Variants in BPIFB4 observed in about 807,000 individuals in gnomAD.
BPIFB4 encodes the protein BPI fold containing family B member 4.
BPIFB4 carries 62 observed loss-of-function variants against 69.2 expected under a neutral mutation model. The ratio of observed to expected loss-of-function variants is 0.90; its 90% CI spans 0.73 to 1.11. The LOEUF (loss-of-function observed/expected upper bound fraction) is 1.11, where lower values mean the gene tolerates loss of function less well. BPIFB4 is among the 50% of genes least tolerant of loss of function. The pLI, the probability that BPIFB4 is intolerant of heterozygous loss-of-function variation, is 0.00. For synonymous variants in BPIFB4, 330 were observed against 332.7 expected (o/e 0.99, Z 0.09); for missense variants, 789 against 792.0 (o/e 1.00, Z 0.04).
rs144580332 is a variant in BPIFB4 at position 33,083,375 on chromosome 20, G to A, written c.178G>A (p.Asp60Asn). The A allele has an allele frequency of 1.6e-4, 253 of 1,612,896 alleles. No individual in the cohort carries two copies. The highest frequency in any genetic ancestry group is 1.9e-4 in the Non-Finnish European group (225 of 1,179,338). Reference sequence around the variant, plus strand: ...CATTGAATTCCCCCGAGGTGTTGGTGATATTCCCTACAATGACTTCCATGT... The same window carrying A: ...CATTGAATTCCCCCGAGGTGTTGGTAATATTCCCTACAATGACTTCCATGT... ...ALREVPLGVG[D>N]IPYNDFHVRG... Residue 60 changes from aspartate to asparagine, a missense_variant, in exon 5 of 18, where the codon GAT becomes AAT. By Grantham distance (23) the Asp-to-Asn change is conservative (BLOSUM62 1). Coordinates refer to ENST00000375483, the MANE Select transcript of BPIFB4 (RefSeq NM_182519.3).
intron 17 of BPIFB4, 121 bp from the exon 18 acceptor site, chr20:33,111,293 C>T: frequency 7.5e-7 from 1 of 1,326,682 alleles, no homozygotes; most frequent in Non-Finnish European, 1.1e-6. Flanking sequence ...CCCTTTATCT[C>T]CGCTGTTCAG....
chr20:33,102,600 T>C (rs1981936460), intron 14 of BPIFB4, among the ~76,000 whole-genome samples: 1 of 152,228 alleles, frequency 6.6e-6, no homozygotes, highest in African/African-American at 2.4e-5. Context: ...TGGTGATCAC[T>C]CATGCACCTA....
At chr20:33,106,735 C>A (rs908121144) in intron 16 of BPIFB4, among the ~76,000 whole-genome samples, 1 of 152,088 alleles carries the variant, frequency 6.6e-6, no homozygotes, top group Non-Finnish European at 1.5e-5. Flanking sequence ...TAGAGCAGTT[C>A]GGAGGTGGGA....
In BPIFB4 at chr20:33,104,863, C is replaced by G; in HGVS notation, c.1734C>G (p.Pro578=). The G allele has an allele frequency of 6.2e-7, 1 of 1,614,016 alleles. No individual in the cohort carries two copies. Among genetic ancestry groups the G allele is most frequent in the Non-Finnish European group, 8.5e-7 (1 of 1,179,954 alleles). ...VEKIFDLAFM[P]AMNAVLGSGV... is the part of the protein sequence containing the mutation. ...AGATTTTTGACCTGGCATTCATGCCCGCAATGAACGGTGAGAGCGGGTGCC... is the reference window on the plus strand; with the variant it reads ...AGATTTTTGACCTGGCATTCATGCCGGCAATGAACGGTGAGAGCGGGTGCC... Residue 578 remains proline (P), a synonymous_variant, in exon 16 of 18, where the codon CCC becomes CCG. Coordinates refer to ENST00000375483, the MANE Select transcript of BPIFB4 (RefSeq NM_182519.3).
chr20:33,097,462 C>A (rs1419771273), intron 12 of BPIFB4, among the ~76,000 whole-genome samples, 155 bp from the exon 13 acceptor site: 1 of 152,134 alleles, frequency 6.6e-6, no homozygotes, highest in Non-Finnish European at 1.5e-5. Flanking sequence ...CAGCTCCTTG[C>A]CCAGTTCTCA....
chr20:33,098,738 C>T (rs2146412257), intron 13 of BPIFB4, among the ~76,000 whole-genome samples: 1 of 132,570 alleles, frequency 7.5e-6, no homozygotes, highest in African/African-American at 3.0e-5. Flanking sequence ...GAGCAAGACT[C>T]CATCTCAAAA....
At chr20:33,094,653 T>C (rs183401946) in intron 11 of BPIFB4, among the ~76,000 whole-genome samples, 45 of 152,232 alleles carry the variant, frequency 3.0e-4, no homozygotes, top group African/African-American at 9.9e-4. Flanking sequence ...ATTACAGGCA[T>C]GTGCCATCAT....
intron 17 of BPIFB4, among the ~76,000 whole-genome samples, chr20:33,108,449 A>ATATATATATATAGATAT (rs1323233475): frequency 6.7e-6 from 1 of 149,376 alleles, no homozygotes; most frequent in Non-Finnish European, 1.5e-5. Flanking sequence ...ACATATATAC[A>ATATATATATATAGATAT]ATCCAGCAAT....
At chr20:33,095,293 C>G (rs985232513) in intron 12 of BPIFB4, 140 bp downstream of exon 12, 7 of 912,724 alleles carry the variant, frequency 7.7e-6, no homozygotes, top group Non-Finnish European at 1.1e-5. Context: ...GTGACAGTGA[C>G]AAGGGCTTGC....
At chr20:33,092,936 G>A (rs1397872781) in intron 11 of BPIFB4, among the ~76,000 whole-genome samples, 3 of 152,170 alleles carry the variant, frequency 2.0e-5, no homozygotes, top group Non-Finnish European at 4.4e-5. Context: ...TTTTTTAAAA[G>A]CATAACATAT....
chr20:33,088,616 A>G (rs1981505165), intron 7 of BPIFB4, among the ~76,000 whole-genome samples: 1 of 152,210 alleles, frequency 6.6e-6, no homozygotes, highest in Non-Finnish European at 1.5e-5. Context: ...AACACAACAT[A>G]AGGCTGCAGC....
intron 7 of BPIFB4, among the ~76,000 whole-genome samples, 174 bp downstream of exon 7, chr20:33,086,338 T>G (rs1981429467): frequency 6.6e-6 from 1 of 152,224 alleles, no homozygotes. Context: ...GTCCCTGACC[T>G]GGCACATGCC....
intron 6 of BPIFB4, 101 bp from the exon 7 acceptor site, chr20:33,085,920 C>A: frequency 1.4e-6 from 2 of 1,396,240 alleles, no homozygotes; most frequent in Non-Finnish European, 2.0e-6. Context: ...GAGCAAGGAG[C>A]GTAGCAGATG....
At chr20:33,086,229 C>T in intron 7 of BPIFB4, 65 bp downstream of exon 7, 1 of 1,557,120 alleles carries the variant, frequency 6.4e-7, no homozygotes, top group South Asian at 1.1e-5. Flanking sequence ...TGGCAAACAA[C>T]ATGACGTCAC....
At chr20:33,107,213 T>C (rs115185144) in intron 16 of BPIFB4, among the ~76,000 whole-genome samples, 1 of 46,180 alleles carries the variant, frequency 2.2e-5, no homozygotes, top group Non-Finnish European at 5.1e-5. Context: ...AAAAAAAAAA[T>C]GAAAGAAAGA....
intron 5 of BPIFB4, 122 bp downstream of exon 5, chr20:33,083,996 G>C: frequency 8.2e-7 from 1 of 1,223,942 alleles, no homozygotes; most frequent in Non-Finnish European, 1.1e-6. Flanking sequence ...TCAGGGTTTG[G>C]CCTCAGGATT....
rs1262212533 is a variant in BPIFB4 at position 33,082,999 on chromosome 20, G to T, written c.168G>T (p.Leu56Phe). 2 of 1,611,578 alleles carry T rather than the reference G, an allele frequency of 1.2e-6. No individual in the cohort carries two copies. The highest frequency in any genetic ancestry group is 2.2e-5 in the East Asian group (1 of 44,808). Residue 56 changes from leucine to phenylalanine, a missense_variant and splice_region_variant, in exon 4 of 18, where the codon TTG (leucine) becomes TTT (phenylalanine). Leu to Phe is a conservative substitution (Grantham distance 22). Around this residue, in one of 3 missense-constraint regions of BPIFB4, gnomAD observed 611 missense variants for 575.4 expected, o/e 1.06. Transcript: ENST00000375483. ...ACTCGGCCCTGAGAGAGGTGCCCTT[G>T]GGTAAAGCCCGTGGTGATGGTGGTG... ...ALHSALREVP[L>F]GVGDIPYNDF...
intron 13 of BPIFB4, among the ~76,000 whole-genome samples, chr20:33,098,649 G>A (rs1207256094): frequency 6.6e-6 from 1 of 151,394 alleles, no homozygotes; most frequent in Non-Finnish European, 1.5e-5. Flanking sequence ...GGAGGCTGAG[G>A]CACGAGAATC....
chr20:33,100,524 C>T (rs11696310), intron 14 of BPIFB4, 31 bp downstream of exon 14: 917,236 of 1,577,694 alleles, frequency 0.58, 272,101 homozygotes, highest in Middle Eastern at 0.68. Context: ...GGGGTCCTGA[C>T]GGTGCTGGTG....
Sources: gnomAD v4.1 joint callset for allele counts (sites outside exome capture counted in the v4.1 genomes callset) on GRCh38, gnomAD v4.1.1 for gene constraint, gnomAD v4.1.1 regional missense constraint, MANE v1.5 for transcripts, NCBI Gene and HGNC (gene_info 2026-07-23, HGNC 2026-07-21) for gene names.